GNG7: variants seen among roughly 807,000 people sequenced by gnomAD.
GNG7 encodes the protein G protein subunit gamma 7.
A neutral mutation model predicts 4.0 loss-of-function variants in GNG7; 1 was observed. The observed-to-expected ratio is 0.25, with a 90% confidence interval of 0.09 to 1.18. GNG7 has a LOEUF of 1.18. Among genes scored for constraint, GNG7 ranks in the 50% most tolerant of loss-of-function variants. The pLI, the probability that GNG7 is intolerant of heterozygous loss-of-function variation, is 0.50. For missense variants in GNG7, 86 were observed against 91.9 expected, an observed-to-expected ratio of 0.94 and a Z score of 0.26; for synonymous variants, 34 against 36.9, an observed-to-expected ratio of 0.92 and a Z score of 0.29.
At chr19:2,600,530 G>A (rs892308145) in intron 2 of GNG7, among the ~76,000 whole-genome samples, 1 of 150,200 alleles carries the variant, frequency 6.7e-6, no homozygotes, top group East Asian at 2.0e-4. Flanking sequence ...GGAGTGCAGT[G>A]GCGCAATCTC....
At chr19:2,677,195 G>A (rs1312713815) in intron 1 of GNG7, among the ~76,000 whole-genome samples, 1 of 152,102 alleles carries the variant, frequency 6.6e-6, no homozygotes, top group Admixed American at 6.5e-5. Context: ...CTCGGTGTTG[G>A]AGCATGGAGG....
chr19:2,564,286 A>G (rs1979834563), intron 2 of GNG7, among the ~76,000 whole-genome samples: 1 of 152,054 alleles, frequency 6.6e-6, no homozygotes, highest in South Asian at 2.1e-4. Context: ...TCCTTTTAAG[A>G]AGGAGAGACA....
At chr19:2,521,615 T>TTG (rs1568230236) in intron 3 of GNG7, among the ~76,000 whole-genome samples, 1 of 135,656 alleles carries the variant, frequency 7.4e-6, no homozygotes, top group East Asian at 2.1e-4. Flanking sequence ...CCTCCGTGTT[T>TTG]TTTTTTTTTT....
intron 3 of GNG7, among the ~76,000 whole-genome samples, chr19:2,531,303 CAAAAA>C (rs58133235): frequency 1.2e-4 from 11 of 95,074 alleles, no homozygotes; most frequent in East Asian, 4.0e-4. Flanking sequence ...GATTCCGTCT[CAAAAA>C]AAAAAAAAAA....
chr19:2,586,796 C>T (rs968637012), intron 2 of GNG7, among the ~76,000 whole-genome samples: 3 of 151,654 alleles, frequency 2.0e-5, no homozygotes, highest in African/African-American at 7.3e-5. Flanking sequence ...ACCAGCCTGG[C>T]CAAAATGGTG....
chr19:2,693,560 T>C (rs1913181249), intron 1 of GNG7, among the ~76,000 whole-genome samples: 1 of 152,162 alleles, frequency 6.6e-6, no homozygotes, highest in South Asian at 2.1e-4. Context: ...GGTAGCCATT[T>C]CTGCAAACCA....
chr19:2,556,977 G>A (rs1372133699), intron 2 of GNG7, among the ~76,000 whole-genome samples: 1 of 152,014 alleles, frequency 6.6e-6, no homozygotes, highest in Admixed American at 6.6e-5. Flanking sequence ...TAGTGACCTA[G>A]AGACATCCAG....
At chr19:2,675,260 G>A (rs62119829) in intron 1 of GNG7, among the ~76,000 whole-genome samples, 16,012 of 152,212 alleles carry the variant, frequency 0.11, 1,015 homozygotes, top group Middle Eastern at 0.2. Context: ...TCTCTGCAAC[G>A]GTGGACGACT....
intron 1 of GNG7, among the ~76,000 whole-genome samples, chr19:2,697,308 C>T (rs1913290356): frequency 6.6e-6 from 1 of 152,172 alleles, no homozygotes; most frequent in Non-Finnish European, 1.5e-5. Context: ...CTCGGAGCTG[C>T]CCACGAACCC....
At chr19:2,676,619 T>G (rs367726183) in intron 1 of GNG7, among the ~76,000 whole-genome samples, 4 of 152,120 alleles carry the variant, frequency 2.6e-5, no homozygotes, top group Non-Finnish European at 5.9e-5. Context: ...TTTCACCATG[T>G]TGCCCAAGCT....
Position 2,511,763 on chromosome 19 carries a change from C to A in GNG7, c.*3259G>T. On this transcript the variant is annotated 3_prime_UTR_variant, in exon 5 of 5. Transcript: ENST00000382159. The surrounding 1 kb of genome is among the most constrained non-coding windows in gnomAD (Gnocchi z 6.3). Reference sequence around the variant, plus strand: ...AGAAGGAGGGAAACAGGAGCACCTTCCGCCCTGGCCCAGCCGCCCCGTTTA... The same window carrying A: ...AGAAGGAGGGAAACAGGAGCACCTTACGCCCTGGCCCAGCCGCCCCGTTTA... The A allele has an allele frequency of 1.0e-6, 1 of 976,156 alleles. No homozygotes were observed. The allele number at this position is 976,156 out of a possible 1,614,324, so 60.5% of individuals were successfully genotyped here.
At position 2,565,382 on chromosome 19, in the gene GNG7, C is replaced by T. The variant is rs374087333; in HGVS notation, c.-77-10194G>A. ...CAAAAATTAGCTGGACGTGGTGGCA[C>T]ACGCCTGTAATTCCAGCTACTCAGG... On this transcript the variant is annotated intron_variant, in intron 2 of 4. Transcript: ENST00000382159. 5.3e-5 allele frequency among the ~76,000 whole-genome samples: 8 copies of T among 151,974 alleles called. No homozygotes were observed. In the East Asian group the frequency reaches 1.3e-3, roughly 26 times the overall value.
At chr19:2,652,925 G>C (rs1026693825) in intron 1 of GNG7, among the ~76,000 whole-genome samples, 7 of 151,504 alleles carry the variant, frequency 4.6e-5, no homozygotes, top group Non-Finnish European at 8.8e-5. Flanking sequence ...CCAGAAGTTT[G>C]CAACCAGCCT....
At chr19:2,535,562 C>T (rs67939509) in intron 3 of GNG7, among the ~76,000 whole-genome samples, 53,405 of 151,564 alleles carry the variant, frequency 0.35, 9,792 homozygotes, top group East Asian at 0.52. Context: ...GTTCAAGAGA[C>T]ATTTGCTTGG....
At chr19:2,548,375 G>T (rs900916619) in intron 3 of GNG7, among the ~76,000 whole-genome samples, 1 of 151,350 alleles carries the variant, frequency 6.6e-6, no homozygotes, top group South Asian at 2.1e-4. Context: ...CAGCTACTCG[G>T]GAGGCTAAGG....
At chr19:2,681,207 G>A (rs1020761521) in intron 1 of GNG7, among the ~76,000 whole-genome samples, 5 of 149,866 alleles carry the variant, frequency 3.3e-5, no homozygotes, top group East Asian at 2.0e-4. Context: ...TTTTTGAGAC[G>A]GAGTCTTGCT....
chr19:2,550,417 G>A (rs1467517984), intron 3 of GNG7, among the ~76,000 whole-genome samples: 6 of 152,124 alleles, frequency 3.9e-5, no homozygotes, highest in Non-Finnish European at 8.8e-5. Context: ...GTAGAGTCGC[G>A]GTTTCACCAT....
At chr19:2,696,354 A>AGAAAAGAAG (rs1913262165) in intron 1 of GNG7, among the ~76,000 whole-genome samples, 1 of 147,880 alleles carries the variant, frequency 6.8e-6, no homozygotes, top group Non-Finnish European at 1.5e-5. Context: ...AAGAAAAGAA[A>AGAAAAGAAG]GAAAAGAAAG....
chr19:2,550,073 C>T (rs1259169756), intron 3 of GNG7, among the ~76,000 whole-genome samples: 1 of 152,218 alleles, frequency 6.6e-6, no homozygotes, highest in Non-Finnish European at 1.5e-5. Context: ...ATGTGGCTGC[C>T]TTGGGTCTGG....
Sources: allele counts gnomAD v4.1 joint callset (sites outside exome capture counted in the v4.1 genomes callset), GRCh38; gene constraint gnomAD v4.1.1; non-coding constraint Gnocchi (gnomAD v3.1); transcripts MANE v1.5; gene names NCBI Gene and HGNC (gene_info 2026-07-23, HGNC 2026-07-21).